The following ZNF33B variants were observed in gnomAD, a reference collection of about 807,000 sequenced individuals.
ZNF33B encodes zinc finger protein 33B.
ZNF33B carries 29 observed loss-of-function variants against 45.8 expected under a neutral mutation model. The ratio of observed to expected loss-of-function variants is 0.63; its 90% CI spans 0.47 to 0.86. ZNF33B has a LOEUF of 0.86. Ranked by LOEUF, ZNF33B falls within the 40% of genes least tolerant of loss-of-function variation. The pLI is 0.00. For missense variants in ZNF33B, 831 were observed against 909.9 expected (o/e 0.91, Z 1.12); for synonymous variants, 305 against 307.8 (o/e 0.99, Z 0.10).
chr10:42,600,186 T>C (rs73266615), intron 4 of ZNF33B, among the ~76,000 whole-genome samples: 3,217 of 152,136 alleles, frequency 0.021, 81 homozygotes, highest in African/African-American at 0.063. Flanking sequence ...TGGGGAGGAG[T>C]GTGCAGAAGA....
chr10:42,580,891 CAATAAATA>C (rs531911819), intron 1 of ZNF33B, among the ~76,000 whole-genome samples: 64 of 151,162 alleles, frequency 4.2e-4, no homozygotes, highest in African/African-American at 1.1e-3. Flanking sequence ...GAGACTGTCT[CAATAAATA>C]AATAAATAAA....
chr10:42,592,883 C>T lies in ZNF33B; in HGVS notation c.2067G>A (p.Gly689=), dbSNP rs762398436. ...GLILHERKHT[G]EKPYECNECG... is the part of the protein sequence containing the mutation. Reference sequence around the variant, plus strand: ...ATTCATTGCATTCATAGGGTTTCTCCCCCGTGTGCTTTCTCTCATGTAAAA... The same window carrying T: ...ATTCATTGCATTCATAGGGTTTCTCTCCCGTGTGCTTTCTCTCATGTAAAA... The change falls in exon 5 of 5, where the codon GGG becomes GGA. Residue 689 remains glycine (G), a synonymous_variant. Transcript: ENST00000359467. The T allele has an allele frequency of 1.2e-6, 2 of 1,614,034 alleles. No individual in the cohort carries two copies. The highest frequency in any genetic ancestry group is 1.7e-5 in the Admixed American group (1 of 60,010).
chr10:42,583,860 T>G (rs1173002958), intron 1 of ZNF33B, among the ~76,000 whole-genome samples: 1 of 152,034 alleles, frequency 6.6e-6, no homozygotes, highest in East Asian at 1.9e-4. Flanking sequence ...ACATCCTTGT[T>G]TCCCTTTCTC....
At position 42,589,689 on chromosome 10, in the gene ZNF33B, T is replaced by G. The variant is rs1837026161; in HGVS notation, c.*2924A>C. The stretch of plus-strand genomic sequence containing the variant: ...ACCCTGCTATAATTGCTTATTAATG[T>G]CAGCAGGTTTTTGTTATTTAGAATT... On this transcript the variant is annotated 3_prime_UTR_variant, in exon 5 of 5. Transcript: ENST00000359467. 1 of 152,218 alleles carries G rather than the reference T, an allele frequency of 6.6e-6. No homozygotes were observed. Among genetic ancestry groups the G allele is most frequent in the South Asian group, 2.1e-4 (1 of 4,830 alleles). 9.4% of individuals were successfully genotyped at this position (152,218 alleles called of 1,614,324 possible).
At chr10:42,602,100 C>A (rs1357169761) in intron 4 of ZNF33B, among the ~76,000 whole-genome samples, 1 of 151,288 alleles carries the variant, frequency 6.6e-6, no homozygotes, top group African/African-American at 2.4e-5. Context: ...TTTGTTGTTT[C>A]ATTTTTGGTA....
intron 4 of ZNF33B, among the ~76,000 whole-genome samples, chr10:42,616,275 G>A (rs1184342426): frequency 1.3e-5 from 2 of 152,038 alleles, no homozygotes; most frequent in African/African-American, 2.4e-5. Flanking sequence ...GCACAATCCT[G>A]CAAATACACT....
intron 4 of ZNF33B, among the ~76,000 whole-genome samples, chr10:42,616,378 C>T (rs1214234327): frequency 2.0e-5 from 3 of 151,958 alleles, no homozygotes; most frequent in East Asian, 3.9e-4. Flanking sequence ...TTCTTATATA[C>T]CTGTTTTGTG....
At chr10:42,615,648 G>A (rs1168442135) in intron 4 of ZNF33B, among the ~76,000 whole-genome samples, 1 of 152,232 alleles carries the variant, frequency 6.6e-6, no homozygotes, top group African/African-American at 2.4e-5. Context: ...TGTCGGCTGG[G>A]TGCAGTGCCT....
At chr10:42,632,171 C>T in intron 3 of ZNF33B, 124 bp downstream of exon 3, 1 of 1,496,998 alleles carries the variant, frequency 6.7e-7, no homozygotes, top group African/African-American at 1.4e-5. Flanking sequence ...GGTGCTCAAT[C>T]AACACTGACT....
At chr10:42,596,105 T>C (rs564365038) in intron 4 of ZNF33B, among the ~76,000 whole-genome samples, 1 of 151,788 alleles carries the variant, frequency 6.6e-6, no homozygotes, top group South Asian at 2.1e-4. Context: ...ATATAGTATA[T>C]ATGTTATTGC....
chr10:42,607,108 C>T (rs902686655), intron 4 of ZNF33B, among the ~76,000 whole-genome samples: 1 of 151,418 alleles, frequency 6.6e-6, no homozygotes, highest in African/African-American at 2.4e-5. Context: ...AATATATATG[C>T]AATATATATA....
Position 42,594,051 on chromosome 10 carries a change from T to A in ZNF33B, c.899A>T (p.His300Leu), listed in dbSNP as rs1179678327. 6.2e-7 allele frequency: 1 copy of A among 1,614,098 alleles called. No homozygotes were observed. Among genetic ancestry groups the A allele is most frequent in the East Asian group, 2.2e-5 (1 of 44,874 alleles). ...LSKHDGVPVK[H>L]YDCGESGNNF... ...ATTCCCACTTTCACCACAATCATAG[T>A]GTTTCACAGGTACCCCATCATGTTT... is the stretch of plus-strand genomic sequence containing the variant. Residue 300 changes from histidine to leucine, a missense_variant, in exon 5 of 5, where the codon CAC becomes CTC. Transcript: ENST00000359467.
chr10:42,631,602 C>T (rs1289360503), intron 4 of ZNF33B, among the ~76,000 whole-genome samples: 1 of 152,010 alleles, frequency 6.6e-6, no homozygotes, highest in Non-Finnish European at 1.5e-5. Context: ...AGAATAAACA[C>T]AAAACAATGG....
Position 42,638,048 on chromosome 10 carries a change from G to A in ZNF33B, c.-45+426C>T, listed in dbSNP as rs1589083308. 2.0e-5 allele frequency among the ~76,000 whole-genome samples: 3 copies of A among 152,346 alleles called. No individual in the cohort carries two copies. The South Asian group carries it at 6.2e-4, about 32-fold the overall frequency. On this transcript the variant is annotated intron_variant, in intron 1 of 4. Transcript: ENST00000359467. ...AGATGGGGTGATGGACATGACTGGA[G>A]GGCAGTTCGAAACCTAAAGAGGATG...
At chr10:42,600,244 T>C (rs1837564003) in intron 4 of ZNF33B, among the ~76,000 whole-genome samples, 1 of 152,158 alleles carries the variant, frequency 6.6e-6, no homozygotes, top group Admixed American at 6.5e-5. Context: ...GTCTATTATA[T>C]CTTTGCTCCT....
intron 4 of ZNF33B, among the ~76,000 whole-genome samples, chr10:42,617,250 C>A (rs760075598): frequency 1.3e-5 from 2 of 151,336 alleles, no homozygotes; most frequent in Non-Finnish European, 2.9e-5. Flanking sequence ...ACCACAGGCA[C>A]GCACCACCAC....
chr10:42,576,713 T>C (rs1323512754), intron 1 of ZNF33B, among the ~76,000 whole-genome samples: 1 of 152,172 alleles, frequency 6.6e-6, no homozygotes, highest in Non-Finnish European at 1.5e-5. Flanking sequence ...CCCCAATTTT[T>C]CCCATACATA....
chr10:42,620,998 G>A (rs1351795484), intron 4 of ZNF33B, among the ~76,000 whole-genome samples: 1 of 152,066 alleles, frequency 6.6e-6, no homozygotes, highest in Non-Finnish European at 1.5e-5. Context: ...AACACAGAAT[G>A]CAAGGGAGAA....
chr10:42,577,036 G>A (rs564432816), intron 1 of ZNF33B, among the ~76,000 whole-genome samples: 1 of 147,364 alleles, frequency 6.8e-6, no homozygotes, highest in Non-Finnish European at 1.5e-5. Context: ...AGGAGGCTGA[G>A]ACAGGAGAAT....
Sources: allele counts gnomAD v4.1 joint callset (sites outside exome capture counted in the v4.1 genomes callset), GRCh38; gene constraint gnomAD v4.1.1; transcripts MANE v1.5; gene names NCBI Gene and HGNC (gene_info 2026-07-23, HGNC 2026-07-21).